OR2L13: variants seen among roughly 807,000 people sequenced by gnomAD.
OR2L13 encodes the protein olfactory receptor family 2 subfamily L member 13.
A neutral mutation model predicts 15.3 loss-of-function variants in OR2L13; 14 were observed. The observed-to-expected ratio is 0.91, with a 90% CI of 0.60 to 1.43. The LOEUF (loss-of-function observed/expected upper bound fraction) is 1.43, where lower values mean the gene tolerates loss of function less well. Ranked by LOEUF, OR2L13 falls within the 40% of genes most tolerant of loss-of-function variation. The pLI is 0.00. For synonymous variants in OR2L13, 152 were observed against 142.9 expected (o/e 1.06, Z -0.45); for missense variants, 367 against 387.9 (o/e 0.95, Z 0.45).
chr1:248,099,858 T>A, exon 3 of OR2L13: 1 of 1,614,166 alleles, frequency 6.2e-7, no homozygotes, highest in Non-Finnish European at 8.5e-7. Context: ...ACACAGTCTT[T>A]GCCCTTCATA....
chr1:248,093,245 G>T (rs939454893), upstream of OR2L13, among the ~76,000 whole-genome samples: 3 of 152,180 alleles, frequency 2.0e-5, no homozygotes, highest in African/African-American at 7.2e-5. Context: ...TTCAGAGAAA[G>T]TCTGCAGAGA....
At chr1:248,085,468 C>CA in the OR2L13 span, among the ~76,000 whole-genome samples, 2 of 11,492 alleles carry the variant, frequency 1.7e-4, no homozygotes, top group Non-Finnish European at 6.0e-4. Context: ...CAGAGAAGCA[C>CA]CAAAAAAAAA....
the OR2L13 span, chr1:247,991,292 C>T: frequency 3.8e-6 from 3 of 795,916 alleles, no homozygotes; most frequent in African/African-American, 3.6e-5. Context: ...ATTACATGCC[C>T]AGTATGTCAA....
the OR2L13 span, among the ~76,000 whole-genome samples, chr1:247,983,084 T>G: frequency 6.6e-6 from 1 of 152,044 alleles, no homozygotes; most frequent in East Asian, 1.9e-4. Context: ...GTGTATGTGT[T>G]TGTTTGTGTG....
chr1:248,092,552 G>A (rs1291251451), upstream of OR2L13, among the ~76,000 whole-genome samples: 1 of 152,066 alleles, frequency 6.6e-6, no homozygotes, highest in Non-Finnish European at 1.5e-5. Flanking sequence ...AACAACATTA[G>A]AATACACACT....
upstream of OR2L13, among the ~76,000 whole-genome samples, chr1:248,096,556 C>T (rs1421049147): frequency 6.6e-6 from 1 of 152,128 alleles, no homozygotes; most frequent in Non-Finnish European, 1.5e-5. Flanking sequence ...AGGACAGTGA[C>T]AATTACTAAG....
chr1:248,078,353 G>A, the OR2L13 span, among the ~76,000 whole-genome samples: 21 of 151,968 alleles, frequency 1.4e-4, no homozygotes, highest in Non-Finnish European at 2.5e-4. Context: ...TGGTGACGTA[G>A]TCCCAGCTAC....
chr1:248,054,375 T>C, the OR2L13 span, among the ~76,000 whole-genome samples: 1 of 152,206 alleles, frequency 6.6e-6, no homozygotes. Context: ...TAGTATAGTT[T>C]GCAGTCGGGT....
chr1:248,031,105 C>G, the OR2L13 span, among the ~76,000 whole-genome samples: 1 of 152,078 alleles, frequency 6.6e-6, no homozygotes, highest in African/African-American at 2.4e-5. Context: ...ACAGAACCCA[C>G]GTGGATTTAT....
At chr1:248,033,863 A>T in the OR2L13 span, among the ~76,000 whole-genome samples, 3 of 152,170 alleles carry the variant, frequency 2.0e-5, no homozygotes, top group Non-Finnish European at 4.4e-5. Context: ...TCAACATAGT[A>T]TTGGAAGTCC....
the OR2L13 span, chr1:248,060,821 T>A: frequency 6.2e-7 from 1 of 1,614,048 alleles, no homozygotes; most frequent in African/African-American, 1.3e-5. Context: ...ATGATTCTTC[T>A]CATCTTCTTG....
chr1:248,017,650 G>A, the OR2L13 span, among the ~76,000 whole-genome samples: 4 of 152,114 alleles, frequency 2.6e-5, no homozygotes, highest in African/African-American at 9.7e-5. Flanking sequence ...CATGCAGGGG[G>A]TGAGGAGATG....
At chr1:248,046,293 G>A in the OR2L13 span, among the ~76,000 whole-genome samples, 2 of 152,034 alleles carry the variant, frequency 1.3e-5, no homozygotes, top group African/African-American at 4.8e-5. Flanking sequence ...CCATGTATGC[G>A]ATATTTTAAT....
the OR2L13 span, among the ~76,000 whole-genome samples, chr1:247,958,203 A>C: frequency 1.3e-5 from 2 of 152,156 alleles, no homozygotes; most frequent in Non-Finnish European, 2.9e-5. Flanking sequence ...TTATGTACCC[A>C]GTAGTCATTC....
At chr1:248,081,061 A>AT in the OR2L13 span, among the ~76,000 whole-genome samples, 1 of 152,224 alleles carries the variant, frequency 6.6e-6, no homozygotes, top group Non-Finnish European at 1.5e-5. Context: ...ACAATGGGAA[A>AT]TCACTAAAAG....
At chr1:247,965,651 T>C in the OR2L13 span, 1 of 1,547,292 alleles carries the variant, frequency 6.5e-7, no homozygotes, top group Non-Finnish European at 8.7e-7. Flanking sequence ...AGTAAGACCA[T>C]TAGATTTTTG....
At chr1:248,000,123 G>GTGTGTGTGTGTGTGTGTGT in the OR2L13 span, among the ~76,000 whole-genome samples, 241 of 138,284 alleles carry the variant, frequency 1.7e-3, no homozygotes, top group African/African-American at 5.2e-3. Flanking sequence ...TTTTTTTTTT[G>GTGTGTGTGTGTGTGTGTGT]GTGTGTGTGT....
chr1:248,069,840 A>G, the OR2L13 span, among the ~76,000 whole-genome samples: 1 of 152,188 alleles, frequency 6.6e-6, no homozygotes, highest in East Asian at 1.9e-4. Context: ...CTCTGATAAA[A>G]CAGACTTTAA....
the OR2L13 span, among the ~76,000 whole-genome samples, chr1:247,995,029 C>A: frequency 2.0e-5 from 3 of 152,148 alleles, no homozygotes; most frequent in African/African-American, 4.8e-5. Flanking sequence ...CTACCTGGAA[C>A]TTTATGTTCT....
Sources: gnomAD v4.1 joint callset for allele counts (sites outside exome capture counted in the v4.1 genomes callset) on GRCh38, gnomAD v4.1.1 for gene constraint, MANE v1.5 for transcripts, NCBI Gene and HGNC (gene_info 2026-07-23, HGNC 2026-07-21) for gene names.